PRICKLE2: variants seen among roughly 807,000 people sequenced by gnomAD.
PRICKLE2 encodes prickle-like protein 2.
Under a neutral mutation model 81.4 loss-of-function variants are expected in PRICKLE2, and 21 were observed. The ratio of observed to expected loss-of-function variants is 0.26; its 90% CI spans 0.18 to 0.37. The LOEUF (loss-of-function observed/expected upper bound fraction) is 0.37, where lower values mean the gene tolerates loss of function less well. PRICKLE2 is among the 10% of genes least tolerant of loss of function. The pLI is 1.00. For synonymous variants in PRICKLE2, 456 were observed against 421.5 expected (o/e 1.08, Z -1.00); for missense variants, 940 against 1,109.0 (o/e 0.85, Z 2.16).
chr3:64,099,343 C>T lies in PRICKLE2; in HGVS notation c.2243G>A (p.Cys748Tyr), dbSNP rs1198121585. The T allele has an allele frequency of 1.2e-6, 2 of 1,614,202 alleles. No homozygotes were observed. The highest frequency in any genetic ancestry group is 2.2e-5 in the South Asian group (2 of 91,084). The change falls in exon 8 of 8, where the codon TGC becomes TAC. Residue 748 changes from cysteine (C) to tyrosine (Y), a missense_variant. Cys to Tyr is a radical substitution (Grantham distance 194). Around this residue, in one of 2 missense-constraint regions of PRICKLE2, gnomAD observed 670 missense variants for 717.2 expected, o/e 0.93. Coordinates refer to ENST00000638394, the MANE Select transcript of PRICKLE2 (RefSeq NM_198859.4). This position sits in a 1 kb window ranked among gnomAD's most constrained non-coding sequence, Gnocchi z 4.3. ...HGSRRDLYGQ[C>Y]PRTVSDLALQ... is the part of the protein sequence containing the mutation. ...AGCCAGGTCCGACACAGTCCTAGGG[C>T]ACTGGCCGTACAGGTCCCTCCGGGA...
chr3:64,149,396 T>C (rs1403233049), intron 6 of PRICKLE2, among the ~76,000 whole-genome samples: 2 of 152,244 alleles, frequency 1.3e-5, no homozygotes, highest in Non-Finnish European at 2.9e-5. Flanking sequence ...GCAGGACTTT[T>C]GCTAAGGCAG....
intron 2 of PRICKLE2, among the ~76,000 whole-genome samples, chr3:64,231,227 T>G (rs1226315366): frequency 6.6e-6 from 1 of 152,186 alleles, no homozygotes; most frequent in Non-Finnish European, 1.5e-5. Context: ...GGCTAGACTG[T>G]GCACATCAAA....
intron 2 of PRICKLE2, among the ~76,000 whole-genome samples, chr3:64,177,169 C>T (rs1271925319): frequency 2.2e-5 from 2 of 91,400 alleles, no homozygotes; most frequent in Admixed American, 1.7e-4. Flanking sequence ...GAGTTTCACT[C>T]TTGTTGCCCA....
At position 64,147,452 on chromosome 3, in the gene PRICKLE2, C is replaced by G. The variant is rs144872307; in HGVS notation, c.1038G>C (p.Lys346Asn). 1.5e-5 allele frequency: 24 copies of G among 1,614,258 alleles called. No homozygotes were observed. The highest frequency in any genetic ancestry group is 2.0e-5 in the Non-Finnish European group (24 of 1,180,054). ...GCTGGTTCAGCATGGGCTCCTCCGT[C>G]TTGCCCTTGTTCTTGCCAATTTTGG... ...RSAKIGKNKG[K>N]TEEPMLNQHS... Residue 346 changes from lysine (K) to asparagine (N), a missense_variant, in exon 7 of 8, where the codon AAG becomes AAC. Physicochemically the swap from Lys to Asn is moderately conservative, Grantham distance 94. Coordinates refer to ENST00000638394, the MANE Select transcript of PRICKLE2 (RefSeq NM_198859.4). This position sits in a 1 kb window ranked among gnomAD's most constrained non-coding sequence, Gnocchi z 5.0.
chr3:64,259,298 AC>A (rs2079582265), intron 2 of PRICKLE2, among the ~76,000 whole-genome samples: 1 of 152,196 alleles, frequency 6.6e-6, no homozygotes, highest in Non-Finnish European at 1.5e-5. Flanking sequence ...TGCTAAGTGC[AC>A]CACAAGTTTT....
At chr3:64,150,586 T>G (rs2077529239) in intron 6 of PRICKLE2, among the ~76,000 whole-genome samples, 1 of 152,036 alleles carries the variant, frequency 6.6e-6, no homozygotes, top group Non-Finnish European at 1.5e-5. Context: ...ATGCCAAGAG[T>G]GCAGAGAGCT....
chr3:64,121,045 C>T (rs990525942), intron 7 of PRICKLE2, among the ~76,000 whole-genome samples: 6 of 152,188 alleles, frequency 3.9e-5, no homozygotes, highest in South Asian at 2.1e-4. Context: ...CTGTGCCCTT[C>T]GTCTGGCTTC....
chr3:64,128,043 C>T (rs554428724), intron 7 of PRICKLE2, among the ~76,000 whole-genome samples: 131 of 152,204 alleles, frequency 8.6e-4, no homozygotes, highest in African/African-American at 2.9e-3. Flanking sequence ...AGTTCCACTT[C>T]TGTTCACTGC....
intron 2 of PRICKLE2, among the ~76,000 whole-genome samples, chr3:64,255,041 G>A: frequency 6.6e-6 from 1 of 152,094 alleles, no homozygotes. Flanking sequence ...GTATGTAGAA[G>A]GAACCTGAAA....
chr3:64,125,413 T>G (rs2077090964), intron 7 of PRICKLE2, among the ~76,000 whole-genome samples: 1 of 152,192 alleles, frequency 6.6e-6, no homozygotes, highest in African/African-American at 2.4e-5. Context: ...TAAAATGCTA[T>G]CAAACAGCAT....
chr3:64,133,544 G>A (rs1000306805), intron 7 of PRICKLE2, among the ~76,000 whole-genome samples: 10 of 152,024 alleles, frequency 6.6e-5, no homozygotes, highest in African/African-American at 2.4e-4. Context: ...ACTCCTCTAA[G>A]CTGTGGCAAA....
At chr3:64,136,277 G>A (rs2077277890) in intron 7 of PRICKLE2, among the ~76,000 whole-genome samples, 1 of 151,788 alleles carries the variant, frequency 6.6e-6, no homozygotes, top group African/African-American at 2.4e-5. Flanking sequence ...TCATGAGTAT[G>A]GTACCTCACC....
At chr3:64,123,235 TG>T (rs1383973046) in intron 7 of PRICKLE2, among the ~76,000 whole-genome samples, 1 of 151,948 alleles carries the variant, frequency 6.6e-6, no homozygotes, top group Admixed American at 6.6e-5. Flanking sequence ...CAAGAAGAGG[TG>T]GGTTAAAATA....
At chr3:64,193,825 G>T (rs1349144529) in intron 2 of PRICKLE2, among the ~76,000 whole-genome samples, 5 of 152,218 alleles carry the variant, frequency 3.3e-5, no homozygotes, top group Non-Finnish European at 7.3e-5. Context: ...TGCCGTCCAT[G>T]TAAGACATGA....
intron 1 of PRICKLE2, among the ~76,000 whole-genome samples, chr3:64,217,152 T>G (rs916494072): frequency 6.6e-6 from 1 of 152,040 alleles, no homozygotes; most frequent in Non-Finnish European, 1.5e-5. Context: ...AAACAGCCCC[T>G]TGTAAAGGAG....
intron 2 of PRICKLE2, among the ~76,000 whole-genome samples, chr3:64,185,448 A>T (rs2078210539): frequency 6.6e-6 from 1 of 152,232 alleles, no homozygotes; most frequent in Non-Finnish European, 1.5e-5. Flanking sequence ...AATAATTGCC[A>T]TAGCAATAAC....
chr3:64,140,643 C>G (rs1158906797), intron 7 of PRICKLE2, among the ~76,000 whole-genome samples: 1 of 152,166 alleles, frequency 6.6e-6, no homozygotes, highest in Non-Finnish European at 1.5e-5. Context: ...GAGCCCTGAC[C>G]TCTAATTTGC....
At chr3:64,244,603 G>GGTGTGTGTGTGTGTGT (rs71680837) in intron 2 of PRICKLE2, among the ~76,000 whole-genome samples, 1 of 91,692 alleles carries the variant, frequency 1.1e-5, no homozygotes, top group African/African-American at 3.1e-5. Flanking sequence ...GTGAATGACT[G>GGTGTGTGTGTGTGTGT]GTGTGTGTGT....
At chr3:64,210,947 AG>A (rs1197204647) in intron 1 of PRICKLE2, among the ~76,000 whole-genome samples, 2 of 152,206 alleles carry the variant, frequency 1.3e-5, no homozygotes, top group Non-Finnish European at 1.5e-5. Context: ...AAAGTGGGGA[AG>A]GGTAGGATGC....
Sources: allele counts gnomAD v4.1 joint callset (sites outside exome capture counted in the v4.1 genomes callset), GRCh38; gene constraint gnomAD v4.1.1; regional missense constraint gnomAD v4.1.1; non-coding constraint Gnocchi (gnomAD v3.1); transcripts MANE v1.5; gene names NCBI Gene and HGNC (gene_info 2026-07-23, HGNC 2026-07-21).